The following KCNJ1 variants were observed in gnomAD, a reference collection of about 807,000 sequenced individuals.
KCNJ1 encodes ATP-sensitive inward rectifier potassium channel 1.
KCNJ1 carries 24 observed loss-of-function variants against 21.9 expected under a neutral mutation model. That is an observed-to-expected ratio of 1.10 (90% CI 0.79 to 1.54). The LOEUF is 1.54. KCNJ1 is among the 40% of genes most tolerant of loss of function. The pLI is 0.00. For synonymous variants in KCNJ1, 152 were observed against 160.9 expected (o/e 0.94, Z 0.42); for missense variants, 457 against 455.4 (o/e 1.00, Z -0.03).
intron 2 of KCNJ1, among the ~76,000 whole-genome samples, chr11:128,840,526 T>C (rs1943265902): frequency 6.6e-6 from 1 of 152,210 alleles, no homozygotes; most frequent in Non-Finnish European, 1.5e-5. Context: ...AGTGATTATA[T>C]ATTCAAGTGT....
At chr11:128,863,682 G>A (rs1413794317) in intron 1 of KCNJ1, among the ~76,000 whole-genome samples, 1 of 152,138 alleles carries the variant, frequency 6.6e-6, no homozygotes, top group Non-Finnish European at 1.5e-5. Flanking sequence ...GGTTTTAAAT[G>A]GAATGCTTTT....
intron 1 of KCNJ1, among the ~76,000 whole-genome samples, chr11:128,851,229 T>C (rs984312778): frequency 5.9e-5 from 9 of 152,344 alleles, no homozygotes; most frequent in Admixed American, 2.6e-4. Flanking sequence ...CTTGAAAATA[T>C]CATTGTACAC....
chr11:128,849,864 GGGA>G (rs1214235108), intron 2 of KCNJ1, among the ~76,000 whole-genome samples: 1 of 152,120 alleles, frequency 6.6e-6, no homozygotes, highest in Non-Finnish European at 1.5e-5. Context: ...TGGCTCCTGT[GGGA>G]AGAGGAGGCA....
At chr11:128,856,122 G>C (rs1004111368) in intron 1 of KCNJ1, among the ~76,000 whole-genome samples, 2 of 152,224 alleles carry the variant, frequency 1.3e-5, no homozygotes, top group African/African-American at 4.8e-5. Context: ...CAAGGGGCCT[G>C]TCAGAAGCAT....
At chr11:128,846,970 C>T (rs1943392825) in intron 2 of KCNJ1, among the ~76,000 whole-genome samples, 1 of 152,170 alleles carries the variant, frequency 6.6e-6, no homozygotes, top group Admixed American at 6.5e-5. Context: ...CAACAAAACA[C>T]AAACATTGTC....
In KCNJ1 at chr11:128,839,210, T is replaced by C. The variant is rs748305494; in HGVS notation, c.1034A>G (p.Asp345Gly). ...HCAMCLYNEKDVRARMKRGYD... is the reference protein window; with the variant it reads ...HCAMCLYNEKGVRARMKRGYD... ...GCCTCTCTTCATCCTGGCTCTAACA[T>C]CTTTCTCATTATAAAGGCACATGGC... The change falls in exon 3 of 3, where the codon GAT becomes GGT. Residue 345 changes from aspartate (D) to glycine (G), a missense_variant. By Grantham distance (94) the Asp-to-Gly change is moderately conservative (BLOSUM62 -1). Coordinates refer to ENST00000392666, the MANE Select transcript of KCNJ1 (RefSeq NM_153766.3). 1.0e-4 allele frequency: 165 copies of C among 1,614,060 alleles called. 1 individual carries two copies. The highest frequency in any genetic ancestry group is 4.9e-4 in the Middle Eastern group (3 of 6,084).
At position 128,839,972 on chromosome 11, in the gene KCNJ1, G is replaced by T. The variant is rs373745258; in HGVS notation, c.272C>A (p.Pro91Gln). 38 of 1,614,122 alleles carry T rather than the reference G, an allele frequency of 2.4e-5. No individual in the cohort carries two copies. Among genetic ancestry groups the T allele is most frequent in the Non-Finnish European group, 3.2e-5 (38 of 1,180,004 alleles). The change falls in exon 3 of 3, where the codon CCG becomes CAG. Residue 91 changes from proline (P) to glutamine (Q), a missense_variant. Coordinates refer to ENST00000392666, the MANE Select transcript of KCNJ1 (RefSeq NM_153766.3). ...YAVAYIHKDL[P>Q]EFHPSANHTP... ...GTGATTGGCAGAAGGATGGAATTCC[G>T]GGAGGTCTTTGTGAATGTACGCTAC...
chr11:128,840,742 CTCA>C (rs1281572669), intron 2 of KCNJ1, among the ~76,000 whole-genome samples: 3 of 152,188 alleles, frequency 2.0e-5, no homozygotes, highest in Non-Finnish European at 4.4e-5. Context: ...CAATAAAACA[CTCA>C]TCAATATACT....
At chr11:128,859,888 C>T (rs1269899227) in intron 1 of KCNJ1, among the ~76,000 whole-genome samples, 1 of 152,246 alleles carries the variant, frequency 6.6e-6, no homozygotes, top group East Asian at 1.9e-4. Context: ...GAAACAGTAA[C>T]TAGAAGTGAC....
chr11:128,865,898 T>C (rs927760432), intron 1 of KCNJ1, among the ~76,000 whole-genome samples: 1 of 152,186 alleles, frequency 6.6e-6, no homozygotes, highest in Non-Finnish European at 1.5e-5. Context: ...ATTAAAGCAT[T>C]AAAGATTAAG....
chr11:128,860,117 G>A (rs959642905), intron 1 of KCNJ1, among the ~76,000 whole-genome samples: 1 of 152,228 alleles, frequency 6.6e-6, no homozygotes, highest in Non-Finnish European at 1.5e-5. Flanking sequence ...GCCCCAGACC[G>A]GGCAGGAGCC....
chr11:128,850,662 C>A (rs1943465362), intron 2 of KCNJ1, 59 bp downstream of exon 2: 2 of 841,386 alleles, frequency 2.4e-6, no homozygotes, highest in Non-Finnish European at 2.9e-6. Flanking sequence ...AAATGCTTAC[C>A]TAGCTTTCTT....
chr11:128,859,095 A>C (rs1943648610), intron 1 of KCNJ1, among the ~76,000 whole-genome samples: 1 of 152,200 alleles, frequency 6.6e-6, no homozygotes, highest in Non-Finnish European at 1.5e-5. Context: ...CACTTGTTGA[A>C]TCTCTGTCAC....
chr11:128,853,517 G>A (rs886900714), intron 1 of KCNJ1, among the ~76,000 whole-genome samples: 1 of 152,330 alleles, frequency 6.6e-6, no homozygotes, highest in African/African-American at 2.4e-5. Context: ...CGGATGGGGA[G>A]TGACTGCTAA....
At position 128,839,032 on chromosome 11, in the gene KCNJ1, A is replaced by C; in HGVS notation, c.*93T>G. Reference sequence around the variant, plus strand: ...GGTAGACTTTGAAGGCTCTCATCCTACTTTCGTACCCCTAAATTGTTGACT... The same window carrying C: ...GGTAGACTTTGAAGGCTCTCATCCTCCTTTCGTACCCCTAAATTGTTGACT... On this transcript the variant is annotated 3_prime_UTR_variant, in exon 3 of 3. Coordinates refer to ENST00000392666, the MANE Select transcript of KCNJ1 (RefSeq NM_153766.3). 2 of 1,150,350 alleles carry C rather than the reference A, an allele frequency of 1.7e-6. No homozygotes were observed. 71.3% of individuals were successfully genotyped at this position (1,150,350 alleles called of 1,614,324 possible).
rs767379328 is a variant in KCNJ1 at position 128,838,345 on chromosome 11, C to T, written c.*780G>A. The T allele has an allele frequency of 6.6e-6, 1 of 152,488 alleles. No homozygotes were observed. The highest frequency in any genetic ancestry group is 1.5e-5 in the Non-Finnish European group (1 of 68,042). 9.4% of individuals were successfully genotyped at this position (152,488 alleles called of 1,614,324 possible). A position where few individuals can be genotyped will look rare whatever the true frequency, so the allele number is the denominator to read the frequency against. The stretch of plus-strand genomic sequence containing the variant: ...GGAGGAACACATGAAACTGTTTCTT[C>T]TCAGGTGCATTAATGATACATTCCC... On this transcript the variant is annotated 3_prime_UTR_variant, in exon 3 of 3. Transcript: ENST00000392666.
chr11:128,840,227 C>G lies in KCNJ1; in HGVS notation c.17G>C (p.Arg6Pro). The G allele has an allele frequency of 1.2e-6, 2 of 1,614,098 alleles. No individual in the cohort carries two copies. Among genetic ancestry groups the G allele is most frequent in the Non-Finnish European group, 1.7e-6 (2 of 1,180,024 alleles). ...AAAAAAGCGAGTGACGACCCATTTC[C>G]GAAGATGTTTGAACATACTTTCTGT... MFKHL[R>P]KWVVTRFFGH... The change falls in exon 3 of 3, where the codon CGG (arginine) becomes CCG (proline). Residue 6 changes from arginine (R) to proline (P), a missense_variant. By Grantham distance (103) the Arg-to-Pro change is moderately radical. Coordinates refer to ENST00000392666, the MANE Select transcript of KCNJ1 (RefSeq NM_153766.3).
Position 128,842,385 on chromosome 11 carries a change from C to T in KCNJ1, c.-21-2121G>A, listed in dbSNP as rs147611594. 9.3e-4 allele frequency: 1,506 copies of T among 1,613,816 alleles called. 1 individual carries two copies. Among genetic ancestry groups the T allele is most frequent in the Non-Finnish European group, 1.1e-3 (1,281 of 1,179,726 alleles). On this transcript the variant is annotated intron_variant, in intron 2 of 2. Transcript: ENST00000392666. ...GATTTCCCCAGCCTCCACTTACCAA[C>T]GTGTCAAACACATTCCGACTGGAAG...
chr11:128,855,972 G>A (rs1050492525), intron 1 of KCNJ1, among the ~76,000 whole-genome samples: 4 of 152,236 alleles, frequency 2.6e-5, no homozygotes, highest in African/African-American at 7.2e-5. Context: ...CAGGAAGGAT[G>A]CATAGTCCTG....
Sources: gnomAD v4.1 joint callset for allele counts (sites outside exome capture counted in the v4.1 genomes callset) on GRCh38, gnomAD v4.1.1 for gene constraint, MANE v1.5 for transcripts, NCBI Gene and HGNC (gene_info 2026-07-23, HGNC 2026-07-21) for gene names.